CFAP221: variants seen among roughly 807,000 people sequenced by gnomAD.
CFAP221 encodes the protein cilia and flagella associated protein 221.
CFAP221 carries 97 observed loss-of-function variants against 113.1 expected under a neutral mutation model. The observed-to-expected ratio is 0.86, with a 90% CI of 0.73 to 1.02. The LOEUF is 1.02. Ranked by LOEUF, CFAP221 falls within the 50% of genes least tolerant of loss-of-function variation. CFAP221 has a pLI of 0.00. For synonymous variants in CFAP221, 331 were observed against 354.4 expected (o/e 0.93, Z 0.74); for missense variants, 1,025 against 1,013.4 (o/e 1.01, Z -0.16).
chr2:119,575,786 G>A (rs2104582701), intron 6 of CFAP221, among the ~76,000 whole-genome samples: 1 of 152,240 alleles, frequency 6.6e-6, no homozygotes, highest in South Asian at 2.1e-4. Flanking sequence ...AAAAACCTGT[G>A]TTTTTGAAAT....
intron 3 of CFAP221, among the ~76,000 whole-genome samples, chr2:119,549,508 T>C (rs1485592535): frequency 2.0e-5 from 3 of 152,242 alleles, no homozygotes; most frequent in Admixed American, 6.5e-5. Context: ...GCTGCATTAT[T>C]CCTCTCATTA....
chr2:119,628,370 C>T (rs560489619), intron 16 of CFAP221, among the ~76,000 whole-genome samples: 141 of 148,414 alleles, frequency 9.5e-4, no homozygotes, highest in Non-Finnish European at 1.4e-3. Flanking sequence ...GGTATAATGG[C>T]TCATCCTTCT....
intron 7 of CFAP221, among the ~76,000 whole-genome samples, chr2:119,595,255 G>A (rs976669582): frequency 6.6e-6 from 1 of 152,210 alleles, no homozygotes; most frequent in East Asian, 1.9e-4. Flanking sequence ...TTTAACCAAA[G>A]AGTAGTTAGA....
chr2:119,574,815 AC>A (rs1443927631), intron 6 of CFAP221, among the ~76,000 whole-genome samples: 1 of 152,196 alleles, frequency 6.6e-6, no homozygotes, highest in Non-Finnish European at 1.5e-5. Context: ...CATTCACTGA[AC>A]TGACTATAAT....
At chr2:119,646,630 G>A (rs145203740) in intron 21 of CFAP221, among the ~76,000 whole-genome samples, 5 of 152,230 alleles carry the variant, frequency 3.3e-5, no homozygotes, top group Admixed American at 3.3e-4. Flanking sequence ...AGATTTGGTG[G>A]GGACAGGACC....
chr2:119,643,913 G>A (rs1025173707), intron 21 of CFAP221, among the ~76,000 whole-genome samples: 2 of 152,004 alleles, frequency 1.3e-5, no homozygotes, highest in African/African-American at 4.8e-5. Context: ...AGCACTTTGG[G>A]AGGCCAAGGC....
chr2:119,567,161 TCA>T (rs1248707335), intron 6 of CFAP221, among the ~76,000 whole-genome samples: 1 of 152,222 alleles, frequency 6.6e-6, no homozygotes, highest in Non-Finnish European at 1.5e-5. Context: ...AGTTTAGGGT[TCA>T]CTCTTGGTGC....
intron 7 of CFAP221, among the ~76,000 whole-genome samples, chr2:119,597,712 G>A (rs1470606866): frequency 1.3e-5 from 2 of 152,162 alleles, no homozygotes; most frequent in South Asian, 2.1e-4. Flanking sequence ...AGGGCCTCAA[G>A]AGCTCTGTTA....
chr2:119,566,710 C>T (rs995592877), intron 6 of CFAP221, among the ~76,000 whole-genome samples: 1 of 152,230 alleles, frequency 6.6e-6, no homozygotes, highest in East Asian at 1.9e-4. Context: ...TGAGCCCTAC[C>T]TCACTGGTCT....
At chr2:119,561,954 G>A (rs1681272536) in intron 5 of CFAP221, 60 bp from the exon 6 acceptor site, 2 of 1,092,384 alleles carry the variant, frequency 1.8e-6, no homozygotes, top group Non-Finnish European at 2.6e-6. Context: ...GCATCTACAA[G>A]TTTGTCTAAA....
intron 3 of CFAP221, among the ~76,000 whole-genome samples, chr2:119,555,305 G>A (rs1026300575): frequency 7.2e-5 from 11 of 152,082 alleles, no homozygotes; most frequent in Non-Finnish European, 1.0e-4. Flanking sequence ...AGCTCCCAGG[G>A]GAACAGAGAT....
At chr2:119,561,883 T>C in intron 5 of CFAP221, 131 bp from the exon 6 acceptor site, 1 of 681,962 alleles carries the variant, frequency 1.5e-6, no homozygotes, top group Non-Finnish European at 2.5e-6. Context: ...AATGTTGTAG[T>C]TAAGCGCTGA....
At chr2:119,550,707 C>A (rs1327902332) in intron 3 of CFAP221, among the ~76,000 whole-genome samples, 1 of 152,128 alleles carries the variant, frequency 6.6e-6, no homozygotes, top group Non-Finnish European at 1.5e-5. Context: ...TTACTTGCTC[C>A]TTATGCTTTC....
chr2:119,630,892 G>C lies in CFAP221; in HGVS notation c.1965G>C (p.Leu655=). The C allele has an allele frequency of 1.2e-6, 2 of 1,612,696 alleles. No individual in the cohort carries two copies. The highest frequency in any genetic ancestry group is 4.5e-5 in the East Asian group (2 of 44,832). ...CCATGTCTCTAGATTATGATCCTCTGTATGTTTTTGTAAGTGACAACTGGC... is the reference window on the plus strand; with the variant it reads ...CCATGTCTCTAGATTATGATCCTCTCTATGTTTTTGTAAGTGACAACTGGC... ...ALAMSLDYDP[L]YVFNPNPGLF... is the part of the protein sequence containing the mutation. The change falls in exon 19 of 24, where the codon CTG becomes CTC. Residue 655 remains leucine, a synonymous_variant. Coordinates refer to ENST00000413369, the MANE Select transcript of CFAP221 (RefSeq NM_001271049.2).
chr2:119,643,788 G>A (rs1199097539), intron 21 of CFAP221, among the ~76,000 whole-genome samples: 11 of 151,928 alleles, frequency 7.2e-5, no homozygotes, highest in Admixed American at 1.3e-4. Flanking sequence ...CAAGCAATCC[G>A]CCCACCTCAG....
chr2:119,636,708 T>C (rs1687135151), intron 19 of CFAP221, among the ~76,000 whole-genome samples: 1 of 152,150 alleles, frequency 6.6e-6, no homozygotes, highest in Non-Finnish European at 1.5e-5. Context: ...AGGAAGGGCC[T>C]GCGGAACCAC....
chr2:119,548,452 G>A (rs909018162), intron 2 of CFAP221, among the ~76,000 whole-genome samples: 2 of 152,152 alleles, frequency 1.3e-5, no homozygotes, highest in African/African-American at 2.4e-5. Context: ...CCAAACATCT[G>A]CTCCTGCCTA....
chr2:119,635,913 A>G (rs916655118), intron 19 of CFAP221, among the ~76,000 whole-genome samples: 2 of 152,218 alleles, frequency 1.3e-5, no homozygotes, highest in South Asian at 2.1e-4. Context: ...CAAGGATTGC[A>G]TAAAGGCACA....
Position 119,638,511 on chromosome 2 carries a change from G to T in CFAP221, c.2133+94G>T, listed in dbSNP as rs1480178229. ...GGGTCACAGCTGGAATTGCGACAAAGGTTTGCCGCCACAGCTGCAGAACAA... is the reference window on the plus strand; with the variant it reads ...GGGTCACAGCTGGAATTGCGACAAATGTTTGCCGCCACAGCTGCAGAACAA... On this transcript the variant is annotated intron_variant, in intron 20 of 23. Coordinates refer to ENST00000413369, the MANE Select transcript of CFAP221 (RefSeq NM_001271049.2). 4 of 1,470,182 alleles carry T rather than the reference G, an allele frequency of 2.7e-6. No individual in the cohort carries two copies. The African/African-American group carries it at 5.6e-5, about 20-fold the overall frequency. 91.1% of individuals were successfully genotyped at this position (1,470,182 alleles called of 1,614,324 possible).
Sources: gnomAD v4.1 joint callset for allele counts (sites outside exome capture counted in the v4.1 genomes callset) on GRCh38, gnomAD v4.1.1 for gene constraint, MANE v1.5 for transcripts, NCBI Gene and HGNC (gene_info 2026-07-23, HGNC 2026-07-21) for gene names.